The following RBKS variants were observed in gnomAD, a reference collection of about 807,000 sequenced individuals.
RBKS encodes ribokinase.
RBKS carries 33 observed loss-of-function variants against 33.9 expected under a neutral mutation model. That is an observed-to-expected ratio of 0.97 (90% CI 0.74 to 1.30). The LOEUF is 1.30. RBKS is among the 50% of genes most tolerant of loss of function. The pLI, the probability that RBKS is intolerant of heterozygous loss-of-function variation, is 0.00. For synonymous variants in RBKS, 125 were observed against 143.0 expected (o/e 0.87, Z 0.90); for missense variants, 361 against 392.6 (o/e 0.92, Z 0.68).
intron 7 of RBKS, among the ~76,000 whole-genome samples, chr2:27,785,019 C>T (rs1005951890): frequency 7.2e-5 from 11 of 152,198 alleles, no homozygotes; most frequent in East Asian, 3.9e-4. Flanking sequence ...TGAAGAGTTA[C>T]GGCAAACTCC....
At chr2:27,788,421 T>A (rs1163700817) in intron 7 of RBKS, among the ~76,000 whole-genome samples, 1 of 152,114 alleles carries the variant, frequency 6.6e-6, no homozygotes, top group East Asian at 1.9e-4. Context: ...AAAAACCAAC[T>A]GCAGCCAGGC....
chr2:27,827,505 T>C, intron 7 of RBKS, 62 bp downstream of exon 7: 1 of 1,413,572 alleles, frequency 7.1e-7, no homozygotes, highest in Non-Finnish European at 9.5e-7. Flanking sequence ...GTACAGCATC[T>C]AATTAGTTAC....
intron 1 of RBKS, among the ~76,000 whole-genome samples, chr2:27,867,338 T>C (rs138010108): frequency 2.4e-4 from 36 of 152,212 alleles, no homozygotes; most frequent in African/African-American, 7.2e-4. Context: ...AGAAGACAGA[T>C]GCCTAGGTAC....
At chr2:27,850,798 A>G (rs552436192) in intron 2 of RBKS, among the ~76,000 whole-genome samples, 17 of 152,348 alleles carry the variant, frequency 1.1e-4, no homozygotes, top group Non-Finnish European at 2.2e-4. Context: ...GTTTTGGTGT[A>G]AATGCCCTGC....
At chr2:27,802,515 G>T (rs1260757176) in intron 7 of RBKS, among the ~76,000 whole-genome samples, 1 of 151,900 alleles carries the variant, frequency 6.6e-6, no homozygotes, top group Non-Finnish European at 1.5e-5. Context: ...AGGAAAAAAA[G>T]TCTCAAAAAA....
intron 7 of RBKS, among the ~76,000 whole-genome samples, chr2:27,801,949 GGAAAAAA>G (rs1458238104): frequency 7.3e-5 from 4 of 54,754 alleles, no homozygotes; most frequent in African/African-American, 2.9e-4. Context: ...GAGTAGCTGG[GGAAAAAA>G]AAAAAAAATA....
chr2:27,853,841 C>G (rs11127129), intron 2 of RBKS, among the ~76,000 whole-genome samples: 40,221 of 151,962 alleles, frequency 0.26, 6,261 homozygotes, highest in East Asian at 0.63. Flanking sequence ...GAACATATGG[C>G]TAAGCATTCC....
At chr2:27,846,586 G>A (rs995467562) in intron 4 of RBKS, among the ~76,000 whole-genome samples, 1 of 152,168 alleles carries the variant, frequency 6.6e-6, no homozygotes, top group Non-Finnish European at 1.5e-5. Context: ...GAACACTAAC[G>A]ATAAGTTGGA....
chr2:27,842,719 C>T (rs1400263769), intron 5 of RBKS, among the ~76,000 whole-genome samples: 2 of 151,586 alleles, frequency 1.3e-5, no homozygotes, highest in Non-Finnish European at 2.9e-5. Flanking sequence ...TGCAGCAGAG[C>T]GATCTCGGCT....
Position 27,837,083 on chromosome 2 carries a change from C to G in RBKS, c.515-4306G>C, listed in dbSNP as rs2148207925. On this transcript the variant is annotated intron_variant, in intron 5 of 7. Coordinates refer to ENST00000302188, the MANE Select transcript of RBKS (RefSeq NM_022128.3). The surrounding 1 kb of genome is among the most constrained non-coding windows in gnomAD (Gnocchi z 4.0). ...GATCGGGAGATTAAGATCATCCTGG[C>G]TAACACGGTGAAACCCTGTCTCTAC... Among the ~76,000 whole-genome samples, 1 of 152,124 alleles carries G rather than the reference C, an allele frequency of 6.6e-6. No individual in the cohort carries two copies. Among genetic ancestry groups the G allele is most frequent in the African/African-American group, 2.4e-5 (1 of 41,406 alleles).
intron 5 of RBKS, among the ~76,000 whole-genome samples, chr2:27,842,159 G>A (rs1045347265): frequency 6.6e-6 from 1 of 152,180 alleles, no homozygotes; most frequent in Admixed American, 6.5e-5. Flanking sequence ...TTCTAATTCA[G>A]AAGATGCTTT....
intron 1 of RBKS, among the ~76,000 whole-genome samples, chr2:27,886,504 C>T (rs1402812980): frequency 6.6e-6 from 1 of 152,100 alleles, no homozygotes; most frequent in African/African-American, 2.4e-5. Flanking sequence ...GTACAGACTA[C>T]AAGCTATCAA....
At chr2:27,887,671 A>C (rs1340375224) in intron 1 of RBKS, among the ~76,000 whole-genome samples, 1 of 151,916 alleles carries the variant, frequency 6.6e-6, no homozygotes, top group Non-Finnish European at 1.5e-5. Context: ...TTTTTTACTG[A>C]TGATTTTACT....
At position 27,820,922 on chromosome 2, in the gene RBKS, C is replaced by G. The variant is rs1678191403; in HGVS notation, c.795+6645G>C. Among the ~76,000 whole-genome samples, 3 of 151,724 alleles carry G rather than the reference C, an allele frequency of 2.0e-5. No homozygotes were observed. In the South Asian group the frequency reaches 6.2e-4, roughly 31 times the overall value. On this transcript the variant is annotated intron_variant, in intron 7 of 7. Coordinates refer to ENST00000302188, the MANE Select transcript of RBKS (RefSeq NM_022128.3). ...GGGAGTGGTGGCGCATGCCTGTAAT[C>G]CCAGCTACTTGGGAGGCTGAGGCAG...
chr2:27,848,387 T>C (rs536137022), intron 2 of RBKS, among the ~76,000 whole-genome samples: 11 of 152,356 alleles, frequency 7.2e-5, no homozygotes, highest in African/African-American at 2.6e-4. Context: ...GATAGAGTTA[T>C]CTACCATCAT....
At position 27,843,179 on chromosome 2, in the gene RBKS, C is replaced by T. The variant is rs764037165; in HGVS notation, c.402G>A (p.Glu134=). 5.0e-6 allele frequency: 8 copies of T among 1,612,480 alleles called. No homozygotes were observed. The highest frequency in any genetic ancestry group is 6.8e-6 in the Non-Finnish European group (8 of 1,179,292). ...TGACATTGGCTGCTGCCCTCAGATC[C>T]TCCGTATTCAAAAGTAAATTTGCTC... ...VAGANLLLNT[E]DLRAAANVIS... is the part of the protein sequence containing the mutation. The change falls in exon 5 of 8, where the codon GAG becomes GAA. Residue 134 remains glutamate, a synonymous_variant. Coordinates refer to ENST00000302188, the MANE Select transcript of RBKS (RefSeq NM_022128.3).
chr2:27,861,389 G>A (rs373053120), intron 1 of RBKS: 11 of 434,178 alleles, frequency 2.5e-5, no homozygotes, highest in South Asian at 1.0e-4. Flanking sequence ...GCAACTGTCC[G>A]ACAATAACAA....
chr2:27,805,928 G>T (rs759093014), intron 7 of RBKS, among the ~76,000 whole-genome samples: 63 of 151,172 alleles, frequency 4.2e-4, no homozygotes, highest in Non-Finnish European at 6.5e-4. Flanking sequence ...GTTTCACTCT[G>T]TTTCCCAGGC....
chr2:27,846,766 G>C (rs1663628841), intron 4 of RBKS, among the ~76,000 whole-genome samples: 1 of 152,060 alleles, frequency 6.6e-6, no homozygotes, highest in African/African-American at 2.4e-5. Flanking sequence ...AGGGTAATGG[G>C]GACATTACAG....
Sources: allele counts gnomAD v4.1 joint callset (sites outside exome capture counted in the v4.1 genomes callset), GRCh38; gene constraint gnomAD v4.1.1; non-coding constraint Gnocchi (gnomAD v3.1); transcripts MANE v1.5; gene names NCBI Gene and HGNC (gene_info 2026-07-23, HGNC 2026-07-21).